The following CDK5RAP1 variants were observed in gnomAD, a reference collection of about 807,000 sequenced individuals.
CDK5RAP1 encodes mitochondrial tRNA methylthiotransferase CDK5RAP1.
In CDK5RAP1, 62 loss-of-function variants were observed where a neutral mutation model predicts 64.5. The observed-to-expected ratio is 0.96, with a 90% CI of 0.78 to 1.19. The LOEUF is 1.19. Ranked by LOEUF, CDK5RAP1 falls within the 50% of genes most tolerant of loss-of-function variation. The probability of loss-of-function intolerance (pLI) is 0.00; values close to 1 mark genes in which losing one functional copy is unlikely to be tolerated. For synonymous variants in CDK5RAP1, 250 were observed against 261.9 expected, an observed-to-expected ratio of 0.95 and a Z score of 0.44; for missense variants, 657 against 735.0, an observed-to-expected ratio of 0.89 and a Z score of 1.23.
chr20:33,373,981 G>T, intron 9 of CDK5RAP1, 134 bp downstream of exon 9: 1 of 702,068 alleles, frequency 1.4e-6, no homozygotes, highest in Non-Finnish European at 2.6e-6. Flanking sequence ...CAGTGGCTTA[G>T]TCATACAATA....
intron 12 of CDK5RAP1, among the ~76,000 whole-genome samples, chr20:33,364,670 G>A (rs946158949): frequency 2.0e-5 from 3 of 151,832 alleles, no homozygotes; most frequent in Non-Finnish European, 4.4e-5. Flanking sequence ...CGCCTCCCAG[G>A]TTCAAGCCAT....
chr20:33,399,175 T>TA (rs1989168962), intron 1 of CDK5RAP1, among the ~76,000 whole-genome samples: 3 of 151,944 alleles, frequency 2.0e-5, no homozygotes, highest in Admixed American at 2.0e-4. Flanking sequence ...TTTTTTTTTT[T>TA]AATTTTCTGA....
chr20:33,372,916 T>A, intron 9 of CDK5RAP1: 1 of 254,548 alleles, frequency 3.9e-6, no homozygotes, highest in Non-Finnish European at 7.4e-6. Context: ...ACATAAACTT[T>A]TTTTTTTTTT....
intron 12 of CDK5RAP1, 77 bp from the exon 13 acceptor site, chr20:33,360,568 T>C: frequency 1.5e-6 from 2 of 1,335,466 alleles, no homozygotes; most frequent in Non-Finnish European, 2.1e-6. Context: ...GTGCCTTCTC[T>C]GTCTCGGATC....
chr20:33,392,162 G>A lies in CDK5RAP1; in HGVS notation c.524C>T (p.Pro175Leu). The A allele has an allele frequency of 3.7e-6, 6 of 1,611,936 alleles. No individual in the cohort carries two copies. The highest frequency in any genetic ancestry group is 5.1e-6 in the Non-Finnish European group (6 of 1,178,534). Residue 175 changes from proline (P) to leucine (L), a missense_variant, in exon 5 of 14, where the codon CCT becomes CTT. Coordinates refer to ENST00000346416, the MANE Select transcript of CDK5RAP1 (RefSeq NM_016408.4). Reference sequence around the variant, plus strand: ...GATACCTAGAATTCCAATCCTCAGAGGAACCCGGGAGCGGGGCCGCCTTGT... The same window carrying A: ...GATACCTAGAATTCCAATCCTCAGAAGAACCCGGGAGCGGGGCCGCCTTGT... ...LKTRRPRSRV[P>L]LRIGILGCMA... is the part of the protein sequence containing the mutation.
At chr20:33,363,136 A>G (rs1983236168) in intron 12 of CDK5RAP1, among the ~76,000 whole-genome samples, 1 of 152,216 alleles carries the variant, frequency 6.6e-6, no homozygotes, top group Non-Finnish European at 1.5e-5. Flanking sequence ...CAAAGAATGC[A>G]TAACCTGAAT....
At chr20:33,383,557 T>C (rs1243406855) in intron 7 of CDK5RAP1, 2 of 151,986 alleles carry the variant, frequency 1.3e-5, no homozygotes, top group East Asian at 3.9e-4. Context: ...CTGAACAACA[T>C]GGAGAAACCC....
At chr20:33,399,272 G>C (rs1372689816) in intron 1 of CDK5RAP1, among the ~76,000 whole-genome samples, 1 of 151,782 alleles carries the variant, frequency 6.6e-6, no homozygotes, top group Non-Finnish European at 1.5e-5. Context: ...ACACTTCTTT[G>C]TATTAATCTT....
At chr20:33,379,181 G>A (rs2146649007) in intron 8 of CDK5RAP1, among the ~76,000 whole-genome samples, 1 of 152,238 alleles carries the variant, frequency 6.6e-6, no homozygotes, top group East Asian at 1.9e-4. Flanking sequence ...AGTAGAGACG[G>A]GGTTTCGCCA....
At chr20:33,367,687 T>C (rs1359634972) in intron 11 of CDK5RAP1, among the ~76,000 whole-genome samples, 7 of 152,242 alleles carry the variant, frequency 4.6e-5, no homozygotes, top group South Asian at 2.1e-4. Context: ...ACTTAACCTT[T>C]TGAATTTTAT....
intron 11 of CDK5RAP1, among the ~76,000 whole-genome samples, chr20:33,368,065 G>A (rs1292981602): frequency 1.3e-5 from 2 of 152,060 alleles, no homozygotes; most frequent in African/African-American, 4.8e-5. Flanking sequence ...TTAATCCCCA[G>A]AACAACCCTA....
chr20:33,392,112 A>G, intron 5 of CDK5RAP1, 30 bp downstream of exon 5: 1 of 1,399,640 alleles, frequency 7.1e-7, no homozygotes, highest in Non-Finnish European at 1.0e-6. Flanking sequence ...CAAGTTTCAA[A>G]GCTGACAAAA....
intron 13 of CDK5RAP1, chr20:33,360,147 G>A (rs1982622236): frequency 3.5e-6 from 2 of 570,354 alleles, no homozygotes; most frequent in Admixed American, 6.6e-5. Context: ...AACGCTTCCA[G>A]GGCAGGAGAA....
intron 9 of CDK5RAP1, chr20:33,372,935 CAG>C: frequency 3.6e-6 from 1 of 280,402 alleles, no homozygotes; most frequent in South Asian, 6.5e-5. Flanking sequence ...TTTTTTGAGA[CAG>C]AGTCTCGCTC....
chr20:33,363,149 TATC>T (rs1244247468), intron 12 of CDK5RAP1, among the ~76,000 whole-genome samples: 1 of 152,196 alleles, frequency 6.6e-6, no homozygotes. Flanking sequence ...ACCTGAATCT[TATC>T]ATGAAAATAC....
intron 12 of CDK5RAP1, among the ~76,000 whole-genome samples, chr20:33,364,291 C>A (rs1285972901): frequency 6.6e-6 from 1 of 150,494 alleles, no homozygotes; most frequent in Non-Finnish European, 1.5e-5. Context: ...CAGGTTCAAG[C>A]AATTCTCTGC....
chr20:33,389,796 C>G (rs1988085293), intron 5 of CDK5RAP1, among the ~76,000 whole-genome samples: 1 of 152,126 alleles, frequency 6.6e-6, no homozygotes, highest in Non-Finnish European at 1.5e-5. Context: ...ATAGAGAAAT[C>G]AGATTGTTGC....
chr20:33,379,219 G>A (rs1568702220), intron 8 of CDK5RAP1, among the ~76,000 whole-genome samples: 1 of 152,126 alleles, frequency 6.6e-6, no homozygotes, highest in Non-Finnish European at 1.5e-5. Flanking sequence ...TCCAACTCCT[G>A]AGCTCAAGTA....
chr20:33,364,189 T>TA (rs2146583420), intron 12 of CDK5RAP1, among the ~76,000 whole-genome samples: 1 of 47,964 alleles, frequency 2.1e-5, no homozygotes, highest in Admixed American at 2.2e-4. Context: ...AAGAAATAGC[T>TA]TTTTTTTTTT....
Sources: allele counts gnomAD v4.1 joint callset (sites outside exome capture counted in the v4.1 genomes callset), GRCh38; gene constraint gnomAD v4.1.1; transcripts MANE v1.5; gene names NCBI Gene and HGNC (gene_info 2026-07-23, HGNC 2026-07-21).